The following PEX3 variants were observed in gnomAD, a reference collection of about 807,000 sequenced individuals.
PEX3 encodes peroxin-3.
A neutral mutation model predicts 55.8 loss-of-function variants in PEX3; 30 were observed. That is an observed-to-expected ratio of 0.54 (90% CI 0.40 to 0.73). The LOEUF is 0.73. Ranked by LOEUF, PEX3 falls within the 30% of genes least tolerant of loss-of-function variation. PEX3 has a pLI of 0.00. For synonymous variants in PEX3, 135 were observed against 148.4 expected, an observed-to-expected ratio of 0.91 and a Z score of 0.66; for missense variants, 351 against 432.8, an observed-to-expected ratio of 0.81 and a Z score of 1.68.
In PEX3 at chr6:143,471,645, T is replaced by C. The variant is rs1780076825; in HGVS notation, c.578+34T>C. 6.9e-7 allele frequency: 1 copy of C among 1,455,832 alleles called. No homozygotes were observed. The highest frequency in any genetic ancestry group is 9.6e-7 in the Non-Finnish European group (1 of 1,036,590). 90.2% of individuals were successfully genotyped at this position (1,455,832 alleles called of 1,614,324 possible). ...TTTTTCTTTGACTTTTCTGACTTCT[T>C]GATTCTAATGAGTGAAAGAAAATTA... On this transcript the variant is annotated intron_variant, in intron 7 of 11. Transcript: ENST00000367591. The surrounding 1 kb of genome is among the most constrained non-coding windows in gnomAD (Gnocchi z 5.4).
At chr6:143,455,417 A>G (rs899894590) in intron 1 of PEX3, among the ~76,000 whole-genome samples, 9 of 121,534 alleles carry the variant, frequency 7.4e-5, no homozygotes, top group South Asian at 2.7e-4. Flanking sequence ...GGGTTTCACC[A>G]TGTTAGCTAG....
Position 143,489,242 on chromosome 6 carries a change from A to G in PEX3, c.*16A>G, listed in dbSNP as rs772218196. On this transcript the variant is annotated 3_prime_UTR_variant, in exon 12 of 12. Coordinates refer to ENST00000367591, the MANE Select transcript of PEX3 (RefSeq NM_003630.3). This position sits in a 1 kb window ranked among gnomAD's most constrained non-coding sequence, Gnocchi z 5.5. ...GGAGAAATGATTTTTCCTTCAAGAA[A>G]AACTACAGTGGGATTCATTTACTTT... 3.6e-6 allele frequency: 5 copies of G among 1,388,684 alleles called. No individual in the cohort carries two copies. The South Asian group carries it at 5.8e-5, about 16-fold the overall frequency. The allele number at this position is 1,388,684 out of a possible 1,614,324, so 86.0% of individuals were successfully genotyped here. A position where few individuals can be genotyped will look rare whatever the true frequency, so the allele number is the denominator to read the frequency against.
intron 3 of PEX3, among the ~76,000 whole-genome samples, chr6:143,467,041 CAG>C (rs1216634295): frequency 5.9e-5 from 9 of 152,016 alleles, no homozygotes; most frequent in Non-Finnish European, 1.0e-4. Flanking sequence ...ACTACAAAGA[CAG>C]AAACTGTGCT....
rs779782789 is a variant in PEX3 at position 143,471,047 on chromosome 6, A to G, written c.418A>G (p.Ile140Val). ...RVQLNIIGGYIYLDNAAVGKN... is the reference protein window; with the variant it reads ...RVQLNIIGGYVYLDNAAVGKN... The stretch of plus-strand genomic sequence containing the variant: ...CCAGTTAAACATAATTGGTGGATAT[A>G]TTTACCTGGATAATGCAGCAGTTGG... The change falls in exon 5 of 12, where the codon ATT (isoleucine) becomes GTT (valine). Residue 140 changes from isoleucine (I) to valine (V), a missense_variant. By Grantham distance (29) the Ile-to-Val change is conservative. Transcript: ENST00000367591. The surrounding 1 kb of genome is among the most constrained non-coding windows in gnomAD (Gnocchi z 5.4). 7 of 1,613,066 alleles carry G rather than the reference A, an allele frequency of 4.3e-6. No homozygotes were observed. The highest frequency in any genetic ancestry group is 1.3e-5 in the African/African-American group (1 of 75,020).
intron 3 of PEX3, 69 bp from the exon 4 acceptor site, chr6:143,468,053 A>G: frequency 2.3e-6 from 2 of 861,996 alleles, no homozygotes; most frequent in Non-Finnish European, 1.9e-6. Flanking sequence ...AAATAGATCT[A>G]TAAAATTCAG....
chr6:143,482,968 TTTTA>T lies in PEX3; in HGVS notation c.942-2182_942-2179del. On this transcript the variant is annotated intron_variant, in intron 10 of 11. Coordinates refer to ENST00000367591, the MANE Select transcript of PEX3 (RefSeq NM_003630.3). This position sits in a 1 kb window ranked among gnomAD's most constrained non-coding sequence, Gnocchi z 5.5. Reference sequence around the variant, plus strand: ...TTAAAACTTCAAGATCAAACAAGCTTTTTATAAGCTTTTCATCAATATTAAATGC... The same window carrying T: ...TTAAAACTTCAAGATCAAACAAGCTTTAAGCTTTTCATCAATATTAAATGC... Among the ~76,000 whole-genome samples, 1 of 152,204 alleles carries T rather than the reference TTTTA, an allele frequency of 6.6e-6. No individual in the cohort carries two copies. Among genetic ancestry groups the T allele is most frequent in the Middle Eastern group, 3.4e-3 (1 of 294 alleles).
chr6:143,456,547 G>T (rs143016184), intron 1 of PEX3, among the ~76,000 whole-genome samples: 2 of 152,168 alleles, frequency 1.3e-5, no homozygotes, highest in Non-Finnish European at 2.9e-5. Context: ...GATCAGGATT[G>T]GTTCCTTCTG....
At position 143,451,757 on chromosome 6, in the gene PEX3, T is replaced by G. The variant is rs533289111; in HGVS notation, c.73+642T>G. Among the ~76,000 whole-genome samples, 56 of 152,332 alleles carry G rather than the reference T, an allele frequency of 3.7e-4. 1 individual carries two copies. The highest frequency in any genetic ancestry group is 1.1e-3 in the African/African-American group (45 of 41,564). ...ATCTTCAAGGTTGGGATCATTGTAATCTAGCTGACATAACTGAGTTGCACA... is the reference window on the plus strand; with the variant it reads ...ATCTTCAAGGTTGGGATCATTGTAAGCTAGCTGACATAACTGAGTTGCACA... On this transcript the variant is annotated intron_variant, in intron 1 of 11. Coordinates refer to ENST00000367591, the MANE Select transcript of PEX3 (RefSeq NM_003630.3). This position sits in a 1 kb window ranked among gnomAD's most constrained non-coding sequence, Gnocchi z 4.1.
chr6:143,469,247 C>T (rs995915808), intron 4 of PEX3, among the ~76,000 whole-genome samples: 1 of 152,190 alleles, frequency 6.6e-6, no homozygotes, highest in African/African-American at 2.4e-5. Flanking sequence ...TGAGGTATCA[C>T]CACACTGTCT....
In PEX3 at chr6:143,454,903, G is replaced by A. The variant is rs1051666044; in HGVS notation, c.73+3788G>A. Among the ~76,000 whole-genome samples, 8 of 152,198 alleles carry A rather than the reference G, an allele frequency of 5.3e-5. No homozygotes were observed. Among genetic ancestry groups the A allele is most frequent in the Non-Finnish European group, 1.2e-4 (8 of 68,028 alleles). On this transcript the variant is annotated intron_variant, in intron 1 of 11. Transcript: ENST00000367591. The surrounding 1 kb of genome is among the most constrained non-coding windows in gnomAD (Gnocchi z 4.3). ...AGATTAACTTGGAAAAGTAGCTAGAGTACAGATTGTGAAGGGCCTTATGAA... is the reference window on the plus strand; with the variant it reads ...AGATTAACTTGGAAAAGTAGCTAGAATACAGATTGTGAAGGGCCTTATGAA...
At position 143,471,200 on chromosome 6, in the gene PEX3, T is replaced by A. The variant is rs1780068462; in HGVS notation, c.456+115T>A. 2.7e-6 allele frequency: 3 copies of A among 1,092,900 alleles called. No individual in the cohort carries two copies. In the African/African-American group the frequency reaches 4.8e-5, roughly 17 times the overall value. 67.7% of individuals were successfully genotyped at this position (1,092,900 alleles called of 1,614,324 possible). A position where few individuals can be genotyped will look rare whatever the true frequency, so the allele number is the denominator to read the frequency against. ...TAAATATTTTTATATTTCATGTGAT[T>A]GTGAACTTTTAGTATTATGAATAAT... On this transcript the variant is annotated intron_variant, in intron 5 of 11. Transcript: ENST00000367591. This position sits in a 1 kb window ranked among gnomAD's most constrained non-coding sequence, Gnocchi z 5.4.
In PEX3 at chr6:143,474,808, A is replaced by C. The variant is rs757599667; in HGVS notation, c.770A>C (p.Asp257Ala). 1 of 1,593,286 alleles carries C rather than the reference A, an allele frequency of 6.3e-7. No homozygotes were observed. The highest frequency in any genetic ancestry group is 2.2e-5 in the East Asian group (1 of 44,696). The part of the protein sequence containing the change: ...AVQACGLSPR[D>A]ITTIKLLNET... ...TAGGCCTGTGGACTTTCTCCTCGAG[A>C]CATTACCACTATTAAACTTCTCAAT... The change falls in exon 9 of 12, where the codon GAC becomes GCC. Residue 257 changes from aspartate (D) to alanine (A), a missense_variant. Physicochemically the swap from Asp to Ala is moderately radical, Grantham distance 126 (BLOSUM62 -2). Transcript: ENST00000367591.
rs142877506 is a variant in PEX3 at position 143,453,184 on chromosome 6, A to C, written c.73+2069A>C. 4.6e-5 allele frequency among the ~76,000 whole-genome samples: 7 copies of C among 152,358 alleles called. No homozygotes were observed. The highest frequency in any genetic ancestry group is 1.7e-4 in the African/African-American group (7 of 41,588). On this transcript the variant is annotated intron_variant, in intron 1 of 11. Transcript: ENST00000367591. This position sits in a 1 kb window ranked among gnomAD's most constrained non-coding sequence, Gnocchi z 4.6. The stretch of plus-strand genomic sequence containing the variant: ...AAGTATACATGTAATTAAGATACAG[A>C]AAAACAAGAGAGGTGAAAAAATGCT...
rs1477599427 is a variant in PEX3 at position 143,453,352 on chromosome 6, G to T, written c.73+2237G>T. ...CAGAGAAGTTTGGGCATTCAATAGT[G>T]GGGGAAGTAAGTAAGTAAAACCTTG... is the stretch of plus-strand genomic sequence containing the variant. On this transcript the variant is annotated intron_variant, in intron 1 of 11. Transcript: ENST00000367591. The surrounding 1 kb of genome is among the most constrained non-coding windows in gnomAD (Gnocchi z 4.6). Among the ~76,000 whole-genome samples, 1 of 152,164 alleles carries T rather than the reference G, an allele frequency of 6.6e-6. No individual in the cohort carries two copies. The highest frequency in any genetic ancestry group is 1.5e-5 in the Non-Finnish European group (1 of 68,040).
rs528556401 is a variant in PEX3, at chr6:143,451,840, T to A, written c.73+725T>A. On this transcript the variant is annotated intron_variant, in intron 1 of 11. Coordinates refer to ENST00000367591, the MANE Select transcript of PEX3 (RefSeq NM_003630.3). The surrounding 1 kb of genome is among the most constrained non-coding windows in gnomAD (Gnocchi z 4.1). The stretch of plus-strand genomic sequence containing the variant: ...AAAATCTTGAGACGCTTTTCCCTCA[T>A]ACAATGCTCATGTGATAATATTCAG... 6.6e-6 allele frequency among the ~76,000 whole-genome samples: 1 copy of A among 152,318 alleles called. No homozygotes were observed. Among genetic ancestry groups the A allele is most frequent in the South Asian group, 2.1e-4 (1 of 4,826 alleles).
intron 4 of PEX3, among the ~76,000 whole-genome samples, chr6:143,468,802 C>CT (rs1780026383): frequency 2.3e-3 from 7 of 3,076 alleles, no homozygotes; most frequent in Non-Finnish European, 6.0e-3. Context: ...CTAATGCTAT[C>CT]CCCCCCCCCC....
At position 143,479,274 on chromosome 6, in the gene PEX3, A is replaced by G. The variant is rs944086734; in HGVS notation, c.941+76A>G. On this transcript the variant is annotated intron_variant, in intron 10 of 11. Coordinates refer to ENST00000367591, the MANE Select transcript of PEX3 (RefSeq NM_003630.3). The surrounding 1 kb of genome is among the most constrained non-coding windows in gnomAD (Gnocchi z 4.6). ...TGCTTTGCTTGTCTTTTTGTTCCAG[A>G]TAACAACAACAAACCTATTAAATTT... 4.3e-6 allele frequency: 5 copies of G among 1,166,546 alleles called. No individual in the cohort carries two copies. The South Asian group carries it at 5.0e-5, about 12-fold the overall frequency. The allele number at this position is 1,166,546 out of a possible 1,614,324, so 72.3% of individuals were successfully genotyped here. A position where few individuals can be genotyped will look rare whatever the true frequency, so the allele number is the denominator to read the frequency against.
rs1384832333 is a variant in PEX3 at position 143,451,901 on chromosome 6, T to C, written c.73+786T>C. Among the ~76,000 whole-genome samples the C allele has an allele frequency of 6.6e-6, 1 of 152,220 alleles. No individual in the cohort carries two copies. The highest frequency in any genetic ancestry group is 1.5e-5 in the Non-Finnish European group (1 of 68,042). The stretch of plus-strand genomic sequence containing the variant: ...GAGGGAATAAAAGTTTTGTGAATTA[T>C]ATGAAAAGGACATCTAGGAACTATA... On this transcript the variant is annotated intron_variant, in intron 1 of 11. Coordinates refer to ENST00000367591, the MANE Select transcript of PEX3 (RefSeq NM_003630.3). The surrounding 1 kb of genome is among the most constrained non-coding windows in gnomAD (Gnocchi z 4.1).
In PEX3 at chr6:143,476,696, G is replaced by A; in HGVS notation, c.818+1840G>A. On this transcript the variant is annotated intron_variant, in intron 9 of 11. Coordinates refer to ENST00000367591, the MANE Select transcript of PEX3 (RefSeq NM_003630.3). This position sits in a 1 kb window ranked among gnomAD's most constrained non-coding sequence, Gnocchi z 5.4. Reference sequence around the variant, plus strand: ...TAGGTATTGGGGCTGAGCATTTGAGGAAATAGGAACTGCCATTTACATTTT... The same window carrying A: ...TAGGTATTGGGGCTGAGCATTTGAGAAAATAGGAACTGCCATTTACATTTT... Among the ~76,000 whole-genome samples the A allele has an allele frequency of 6.6e-6, 1 of 152,220 alleles. No individual in the cohort carries two copies.
Sources: gnomAD v4.1 joint callset for allele counts (sites outside exome capture counted in the v4.1 genomes callset) on GRCh38, gnomAD v4.1.1 for gene constraint, Gnocchi (gnomAD v3.1) non-coding constraint, MANE v1.5 for transcripts, NCBI Gene and HGNC (gene_info 2026-07-23, HGNC 2026-07-21) for gene names.